The following CALN1 variants were observed in gnomAD, a reference collection of about 807,000 sequenced individuals.
CALN1 encodes the protein calcium-binding protein 8.
Under a neutral mutation model 30.6 loss-of-function variants are expected in CALN1, and 17 were observed. The observed-to-expected ratio is 0.56, with a 90% CI of 0.38 to 0.83. CALN1 has a LOEUF of 0.83. CALN1 is among the 40% of genes least tolerant of loss of function. The pLI is 0.00. For missense variants in CALN1, 291 were observed against 354.9 expected, an observed-to-expected ratio of 0.82 and a Z score of 1.45; for synonymous variants, 156 against 131.4, an observed-to-expected ratio of 1.19 and a Z score of -1.28.
chr7:72,499,826 C>CTTCTTTCTTTCTTTCTTTCTTTCT, the CALN1 span, among the ~76,000 whole-genome samples: 2 of 53,320 alleles, frequency 3.8e-5, no homozygotes, highest in South Asian at 6.5e-4. Flanking sequence ...TCCTTCCTTC[C>CTTCTTTCTTTCTTTCTTTCTTTCT]TTCTTTCTTT....
intron 5 of CALN1, among the ~76,000 whole-genome samples, chr7:71,939,327 G>A (rs1562920303): frequency 1.3e-5 from 2 of 151,372 alleles, no homozygotes; most frequent in Non-Finnish European, 2.9e-5. Context: ...GGAGGCCGAG[G>A]TGGATGGGTC....
intron 5 of CALN1, among the ~76,000 whole-genome samples, chr7:71,879,853 G>A (rs578262184): frequency 6.6e-6 from 1 of 152,308 alleles, no homozygotes; most frequent in African/African-American, 2.4e-5. Context: ...CACCACTGTG[G>A]TGAGGGAGAT....
chr7:71,853,243 A>G (rs1252559294), intron 5 of CALN1, among the ~76,000 whole-genome samples: 1 of 152,024 alleles, frequency 6.6e-6, no homozygotes, highest in African/African-American at 2.4e-5. Flanking sequence ...CACTCAGTCT[A>G]AAAAGTTATT....
chr7:72,150,127 C>CAAAA (rs61261132), intron 3 of CALN1, among the ~76,000 whole-genome samples: 1 of 137,186 alleles, frequency 7.3e-6, no homozygotes, highest in Non-Finnish European at 1.6e-5. Context: ...AACTCCATCT[C>CAAAA]AAAAAAAAAA....
intron 5 of CALN1, among the ~76,000 whole-genome samples, chr7:71,869,834 T>C (rs1791816810): frequency 6.6e-6 from 1 of 152,012 alleles, no homozygotes. Context: ...GAAAGGTGAG[T>C]GAAACTGCGA....
Position 71,785,788 on chromosome 7 carries a change from G to C in CALN1, c.*1987C>G, listed in dbSNP as rs1349943412. 1 of 153,130 alleles carries C rather than the reference G, an allele frequency of 6.5e-6. No homozygotes were observed. The highest frequency in any genetic ancestry group is 1.5e-5 in the Non-Finnish European group (1 of 68,490). The allele number at this position is 153,130 out of a possible 1,614,324, so 9.5% of individuals were successfully genotyped here. A position where few individuals can be genotyped will look rare whatever the true frequency, so the allele number is the denominator to read the frequency against. On this transcript the variant is annotated 3_prime_UTR_variant, in exon 7 of 7. Coordinates refer to ENST00000395275, the MANE Select transcript of CALN1 (RefSeq NM_031468.4). ...TGAGAATTCCAATCCTAAGGGGACA[G>C]TGGTGAGTCAGCCAACAGGAGCAGC...
the CALN1 span, among the ~76,000 whole-genome samples, chr7:72,471,796 T>C: frequency 6.6e-6 from 1 of 151,874 alleles, no homozygotes; most frequent in Non-Finnish European, 1.5e-5. Context: ...CACAATGGGG[T>C]CCTTTTTTGT....
rs188018472 is a variant in CALN1, at chr7:72,123,566, C to T, written c.245-17272G>A. On this transcript the variant is annotated intron_variant, in intron 3 of 6. Coordinates refer to ENST00000395275, the MANE Select transcript of CALN1 (RefSeq NM_031468.4). ...TGTAAAAAGTTAGCCAGAGAGAATG[C>T]GAGACAACTTGAGGGTAAATCGTGG... Among the ~76,000 whole-genome samples the T allele has an allele frequency of 2.0e-5, 3 of 152,270 alleles. No homozygotes were observed. The East Asian group carries it at 5.8e-4, about 29-fold the overall frequency.
chr7:72,396,909 A>G (rs1266672467), intron 2 of CALN1, among the ~76,000 whole-genome samples: 1 of 152,052 alleles, frequency 6.6e-6, no homozygotes, highest in Non-Finnish European at 1.5e-5. Context: ...AGTAGTAGTA[A>G]AAGTAGTAGT....
At chr7:72,042,223 G>A (rs1380623323) in intron 4 of CALN1, among the ~76,000 whole-genome samples, 6 of 152,122 alleles carry the variant, frequency 3.9e-5, no homozygotes, top group Admixed American at 6.5e-5. Flanking sequence ...CCATGTGTTG[G>A]AGGAACCCCC....
chr7:72,495,690 C>T, the CALN1 span, among the ~76,000 whole-genome samples: 1 of 152,124 alleles, frequency 6.6e-6, no homozygotes, highest in African/African-American at 2.4e-5. Context: ...TGTGGACAAA[C>T]GGTGGGCTAT....
chr7:72,182,367 A>G (rs1039388101), intron 3 of CALN1, among the ~76,000 whole-genome samples: 5 of 152,154 alleles, frequency 3.3e-5, no homozygotes, highest in African/African-American at 1.2e-4. Flanking sequence ...AGAGATGAGC[A>G]TGTGGTTGAA....
rs932671616 is a variant in CALN1 at position 72,070,714 on chromosome 7, C to T, written c.388+35437G>A. 3.9e-5 allele frequency among the ~76,000 whole-genome samples: 6 copies of T among 152,176 alleles called. No homozygotes were observed. In the South Asian group the frequency reaches 6.2e-4, roughly 16 times the overall value. On this transcript the variant is annotated intron_variant, in intron 4 of 6. Transcript: ENST00000395275. ...TCCAAATCTGACATATGATTCTGGG[C>T]GAATGCTCTGTACTTACAACATTAT...
chr7:72,391,885 A>G (rs1805604359), intron 2 of CALN1, among the ~76,000 whole-genome samples: 1 of 152,126 alleles, frequency 6.6e-6, no homozygotes, highest in African/African-American at 2.4e-5. Flanking sequence ...ATGAAAACAG[A>G]CTAATACAGT....
chr7:72,385,180 G>A (rs908194013), intron 2 of CALN1, among the ~76,000 whole-genome samples: 1 of 152,166 alleles, frequency 6.6e-6, no homozygotes, highest in African/African-American at 2.4e-5. Context: ...GAAGCAACAA[G>A]AACTTTCTTG....
intron 5 of CALN1, among the ~76,000 whole-genome samples, chr7:72,011,612 G>A (rs1800086991): frequency 6.6e-6 from 1 of 152,150 alleles, no homozygotes; most frequent in Non-Finnish European, 1.5e-5. Flanking sequence ...TTCCTCTGAA[G>A]TTTAACAAGT....
At chr7:72,368,809 CTTTTTTTTTT>C (rs57192078) in intron 2 of CALN1, among the ~76,000 whole-genome samples, 1 of 101,508 alleles carries the variant, frequency 9.9e-6, no homozygotes, top group African/African-American at 3.7e-5. Flanking sequence ...GTTTGAAACC[CTTTTTTTTTT>C]TTTTTTTTTT....
chr7:72,072,384 A>T (rs770942096), intron 4 of CALN1, among the ~76,000 whole-genome samples: 11 of 152,232 alleles, frequency 7.2e-5, no homozygotes, highest in Non-Finnish European at 1.5e-4. Flanking sequence ...TAAGAAAAAA[A>T]GCCTGTCAAC....
chr7:72,392,712 A>G (rs961075183), intron 2 of CALN1, among the ~76,000 whole-genome samples: 1 of 152,208 alleles, frequency 6.6e-6, no homozygotes, highest in Admixed American at 6.5e-5. Context: ...GCAGTGGCAC[A>G]TATCTGTAAT....
Sources: gnomAD v4.1 joint callset for allele counts (sites outside exome capture counted in the v4.1 genomes callset) on GRCh38, gnomAD v4.1.1 for gene constraint, MANE v1.5 for transcripts, NCBI Gene and HGNC (gene_info 2026-07-23, HGNC 2026-07-21) for gene names.